Variants in SLC2A5 observed in about 807,000 individuals in gnomAD.
The protein encoded by SLC2A5 is solute carrier family 2 member 5, also known as solute carrier family 2, facilitated glucose transporter member 5.
SLC2A5 carries 56 observed loss-of-function variants against 50.3 expected under a neutral mutation model. The observed-to-expected ratio is 1.11, with a 90% CI of 0.90 to 1.39. SLC2A5 has a LOEUF of 1.39. SLC2A5 is among the 40% of genes most tolerant of loss of function. The pLI is 0.00. For missense variants in SLC2A5, 566 were observed against 650.1 expected (o/e 0.87, Z 1.41); for synonymous variants, 269 against 281.9 (o/e 0.95, Z 0.46).
chr1:9,064,265 G>T (rs577241842), intron 1 of SLC2A5, among the ~76,000 whole-genome samples: 1 of 152,194 alleles, frequency 6.6e-6, no homozygotes, highest in African/African-American at 2.4e-5. Flanking sequence ...CTTTCCAGGA[G>T]GGAGAACAAA....
intron 1 of SLC2A5, among the ~76,000 whole-genome samples, chr1:9,059,046 C>G (rs949924712): frequency 6.6e-6 from 1 of 151,620 alleles, no homozygotes; most frequent in African/African-American, 2.4e-5. Flanking sequence ...AGAGGTGAAT[C>G]TGCTGTTGGA....
chr1:9,081,986 G>A (rs1642358734), intron 2 of SLC2A5, among the ~76,000 whole-genome samples: 2 of 152,134 alleles, frequency 1.3e-5, no homozygotes, highest in Non-Finnish European at 2.9e-5. Context: ...GGAGGCCAAG[G>A]CACGAGAATT....
At chr1:9,068,040 A>T (rs1053150247) in intron 1 of SLC2A5, among the ~76,000 whole-genome samples, 1 of 151,746 alleles carries the variant, frequency 6.6e-6, no homozygotes, top group Non-Finnish European at 1.5e-5. Flanking sequence ...AAATACAAAA[A>T]TTAGCCGGGT....
upstream of SLC2A5, among the ~76,000 whole-genome samples, chr1:9,089,417 G>C (rs1488653910): frequency 1.3e-5 from 2 of 152,086 alleles, no homozygotes; most frequent in African/African-American, 4.8e-5. Flanking sequence ...TTCCCAATCT[G>C]CCCCAGATAT....
chr1:9,056,883 G>A (rs1013686267), intron 3 of SLC2A5, among the ~76,000 whole-genome samples: 2 of 152,114 alleles, frequency 1.3e-5, no homozygotes, highest in East Asian at 1.9e-4. Flanking sequence ...GGCTCCTTCC[G>A]GGTCTGCCCG....
chr1:9,049,736 A>C (rs1393753753), intron 3 of SLC2A5, among the ~76,000 whole-genome samples: 4 of 150,012 alleles, frequency 2.7e-5, no homozygotes, highest in Non-Finnish European at 5.9e-5. Flanking sequence ...CAAATAGATC[A>C]ATGGAACAGA....
chr1:9,076,081 G>A (rs55875903), intron 2 of SLC2A5, among the ~76,000 whole-genome samples: 27,048 of 151,582 alleles, frequency 0.18, 3,091 homozygotes, highest in Admixed American at 0.26. Flanking sequence ...TCAGCCTCCC[G>A]AGTAACTGGA....
Position 9,040,026 on chromosome 1 carries a change from C to A in SLC2A5, c.697+38G>T, listed in dbSNP as rs749630125. On this transcript the variant is annotated intron_variant, in intron 6 of 11. Transcript: ENST00000377424. The surrounding 1 kb of genome is among the most constrained non-coding windows in gnomAD (Gnocchi z 4.3). ...GCACCGTCGGACCAGGGCTGGGGAGCAGAACCTGGAGGCCGCCCCCGCCAG... is the reference window on the plus strand; with the variant it reads ...GCACCGTCGGACCAGGGCTGGGGAGAAGAACCTGGAGGCCGCCCCCGCCAG... 12 of 1,587,326 alleles carry A rather than the reference C, an allele frequency of 7.6e-6. No individual in the cohort carries two copies. The highest frequency in any genetic ancestry group is 1.0e-5 in the Non-Finnish European group (12 of 1,163,510).
chr1:9,042,410 T>C (rs1157732724), intron 4 of SLC2A5, among the ~76,000 whole-genome samples: 1 of 150,824 alleles, frequency 6.6e-6, no homozygotes, highest in Non-Finnish European at 1.5e-5. Context: ...AATATGTATA[T>C]GTGTGTGTGT....
intron 2 of SLC2A5, among the ~76,000 whole-genome samples, chr1:9,081,195 G>T (rs1642346858): frequency 6.7e-6 from 1 of 149,540 alleles, no homozygotes; most frequent in Admixed American, 6.7e-5. Flanking sequence ...GACTGGTCAG[G>T]GCTGGAGTGA....
chr1:9,048,966 A>T (rs2124359193), intron 3 of SLC2A5: 2 of 350,164 alleles, frequency 5.7e-6, no homozygotes, highest in South Asian at 2.2e-5. Context: ...CATTTTTTTT[A>T]AAACCAGCCT....
upstream of SLC2A5, among the ~76,000 whole-genome samples, chr1:9,092,359 G>A (rs115259501): frequency 1.3e-5 from 2 of 152,112 alleles, no homozygotes; most frequent in African/African-American, 2.4e-5. Context: ...ACTCTTCTAC[G>A]GGACATTCAC....
intron 2 of SLC2A5, 60 bp from the exon 3 acceptor site, chr1:9,057,668 A>G: frequency 6.7e-7 from 1 of 1,485,606 alleles, no homozygotes; most frequent in East Asian, 2.3e-5. Context: ...CAAGAAGAAC[A>G]TTAGCTGTTA....
intron 5 of SLC2A5, 93 bp downstream of exon 5, chr1:9,041,692 G>C (rs756965494): frequency 1.2e-6 from 2 of 1,607,676 alleles, no homozygotes; most frequent in East Asian, 4.5e-5. Context: ...TCTGCAGAAA[G>C]TCCTGTCCTG....
At chr1:9,067,854 C>T (rs550598137) in intron 1 of SLC2A5, among the ~76,000 whole-genome samples, 9 of 152,150 alleles carry the variant, frequency 5.9e-5, no homozygotes, top group Admixed American at 3.3e-4. Flanking sequence ...GGAAATCACG[C>T]GGAGGTGGAG....
intron 3 of SLC2A5, among the ~76,000 whole-genome samples, chr1:9,050,867 G>A (rs1401762779): frequency 2.0e-5 from 3 of 152,140 alleles, no homozygotes; most frequent in Non-Finnish European, 2.9e-5. Flanking sequence ...TTACATAAAA[G>A]TAAAAGAAAT....
chr1:9,048,144 C>T (rs1443507780), intron 3 of SLC2A5, among the ~76,000 whole-genome samples: 2 of 152,130 alleles, frequency 1.3e-5, no homozygotes, highest in African/African-American at 4.8e-5. Context: ...TGCCACAATC[C>T]TAAATGAAAT....
At position 9,041,952 on chromosome 1, in the gene SLC2A5, A is replaced by G; in HGVS notation, c.419-15T>C. 1.3e-6 allele frequency: 2 copies of G among 1,569,744 alleles called. No homozygotes were observed. The highest frequency in any genetic ancestry group is 1.7e-6 in the Non-Finnish European group (2 of 1,159,430). On this transcript the variant is annotated splice_polypyrimidine_tract_variant and intron_variant, in intron 4 of 11. Transcript: ENST00000377424. Reference sequence around the variant, plus strand: ...GGAAGATACACCTGGGAGGAGGTGAAATAGAAACACCATCAGAAAAAATTA... The same window carrying G: ...GGAAGATACACCTGGGAGGAGGTGAGATAGAAACACCATCAGAAAAAATTA...
At chr1:9,083,850 A>T (rs115476976) in intron 2 of SLC2A5, among the ~76,000 whole-genome samples, 1,890 of 151,118 alleles carry the variant, frequency 0.013, 47 homozygotes, top group African/African-American at 0.043. Context: ...AACAAACAAC[A>T]CATACTAAAC....
Sources: allele counts gnomAD v4.1 joint callset (sites outside exome capture counted in the v4.1 genomes callset), GRCh38; gene constraint gnomAD v4.1.1; non-coding constraint Gnocchi (gnomAD v3.1); transcripts MANE v1.5; gene names NCBI Gene and HGNC (gene_info 2026-07-23, HGNC 2026-07-21).